ANO3: variants seen among roughly 807,000 people sequenced by gnomAD.
ANO3 encodes the protein anoctamin 3, also known as anoctamin-3.
A neutral mutation model predicts 144.8 loss-of-function variants in ANO3; 99 were observed. The observed-to-expected ratio is 0.68, with a 90% CI of 0.58 to 0.81. The LOEUF is 0.81. Among genes scored for constraint, ANO3 ranks in the 30% least tolerant of loss-of-function variants. The pLI is 0.00. For synonymous variants in ANO3, 414 were observed against 392.6 expected (o/e 1.05, Z -0.64); for missense variants, 905 against 1,202.2 (o/e 0.75, Z 3.66).
intron 4 of ANO3, among the ~76,000 whole-genome samples, chr11:26,490,612 G>T (rs78101475): frequency 6.6e-6 from 1 of 152,136 alleles, no homozygotes; most frequent in Non-Finnish European, 1.5e-5. Flanking sequence ...TAATAAAACA[G>T]TATAACGTCA....
intron 1 of ANO3, among the ~76,000 whole-genome samples, chr11:26,352,595 G>C (rs536618377): frequency 1.3e-5 from 2 of 152,290 alleles, no homozygotes; most frequent in East Asian, 3.9e-4. Context: ...CTTATAGATT[G>C]AAGATCTTTG....
At chr11:26,303,531 C>T (rs1854285805) in intron 1 of ANO3, among the ~76,000 whole-genome samples, 1 of 152,026 alleles carries the variant, frequency 6.6e-6, no homozygotes, top group Non-Finnish European at 1.5e-5. Flanking sequence ...ACAATAGACA[C>T]TGGGGACTAT....
chr11:26,521,631 G>C (rs1157739617), intron 6 of ANO3, among the ~76,000 whole-genome samples: 2 of 152,016 alleles, frequency 1.3e-5, no homozygotes, highest in Admixed American at 6.5e-5. Flanking sequence ...TCTAGTTTTT[G>C]TCATATCAGG....
intron 1 of ANO3, among the ~76,000 whole-genome samples, chr11:26,264,866 AT>A (rs374426692): frequency 0.011 from 1,695 of 149,450 alleles, 18 homozygotes; most frequent in African/African-American, 0.026. Context: ...ATTTTTAAAG[AT>A]TTTTTTTTTC....
At chr11:26,412,158 C>A (rs1012734671) in intron 1 of ANO3, among the ~76,000 whole-genome samples, 5 of 151,922 alleles carry the variant, frequency 3.3e-5, no homozygotes, top group African/African-American at 1.2e-4. Flanking sequence ...TGGAGAAATA[C>A]AAGGCTAGCT....
intron 1 of ANO3, among the ~76,000 whole-genome samples, chr11:26,223,988 G>A (rs932824710): frequency 6.6e-6 from 1 of 152,254 alleles, no homozygotes; most frequent in East Asian, 1.9e-4. Flanking sequence ...AGATTTGGAG[G>A]AGACACACAC....
chr11:26,476,722 T>G (rs750154229), intron 4 of ANO3, among the ~76,000 whole-genome samples: 2 of 151,854 alleles, frequency 1.3e-5, no homozygotes, highest in African/African-American at 2.4e-5. Flanking sequence ...CCAAGACTGG[T>G]TAAAGGTAAG....
chr11:26,407,062 G>GTATATATA lies in ANO3; in HGVS notation c.47-34855_47-34854insATATATAT, dbSNP rs1293215860. Among the ~76,000 whole-genome samples the GTATATATA allele has an allele frequency of 1.2e-3, 80 of 64,110 alleles. 2 individuals carry two copies. The highest frequency in any genetic ancestry group is 2.8e-3 in the Non-Finnish European group (69 of 24,582). 42.1% of individuals were successfully genotyped at this position (64,110 alleles called of 152,430 possible). On this transcript the variant is annotated intron_variant, in intron 1 of 26. Transcript: ENST00000256737. ...TATATATATGGGTGTGTGTGTGTGT[G>GTATATATA]TGTGTGTGTGTGTGTATATATATAT...
intron 9 of ANO3, among the ~76,000 whole-genome samples, chr11:26,535,274 G>A (rs1382677565): frequency 6.6e-6 from 1 of 152,178 alleles, no homozygotes; most frequent in East Asian, 1.9e-4. Flanking sequence ...TTGTTTAAAT[G>A]TTTAGCAGTA....
At chr11:26,292,781 G>A (rs1282046828) in intron 1 of ANO3, among the ~76,000 whole-genome samples, 1 of 152,168 alleles carries the variant, frequency 6.6e-6, no homozygotes, top group African/African-American at 2.4e-5. Flanking sequence ...GTTGCTGCCT[G>A]ATCCTTCCTC....
upstream of ANO3, among the ~76,000 whole-genome samples, chr11:26,328,980 G>C (rs1298704914): frequency 2.6e-5 from 4 of 151,898 alleles, no homozygotes; most frequent in Non-Finnish European, 2.9e-5. Context: ...AGTCAAGACT[G>C]TACTGTGTAT....
In ANO3 at chr11:26,647,825, C is replaced by T; in HGVS notation, c.2545C>T (p.Pro849Ser). 1 of 1,612,562 alleles carries T rather than the reference C, an allele frequency of 6.2e-7. No homozygotes were observed. The highest frequency in any genetic ancestry group is 2.2e-5 in the East Asian group (1 of 44,788). ...TTTTGTTTATGAATACAAATATGGC[C>T]CCTGTGCAAATCATGTAGAACCAAG... ...PRFVYEYKYG[P>S]CANHVEPSEN... Residue 849 changes from proline to serine, a missense_variant, in exon 24 of 27, where the codon CCC becomes TCC. This residue lies in a region of ANO3 where 597 missense variants were observed against 865.1 expected (regional missense o/e 0.69). Coordinates refer to ENST00000256737, the MANE Select transcript of ANO3 (RefSeq NM_031418.4).
intron 13 of ANO3, among the ~76,000 whole-genome samples, chr11:26,557,460 CA>C (rs527754155): frequency 0.14 from 14,843 of 108,552 alleles, 880 homozygotes; most frequent in African/African-American, 0.23. Context: ...GACTCTGTCT[CA>C]AAAAAAAAAA....
At chr11:26,559,872 A>C (rs183288799) in intron 14 of ANO3, 93 bp downstream of exon 14, 302 of 803,346 alleles carry the variant, frequency 3.8e-4, no homozygotes, top group Non-Finnish European at 5.9e-4. Context: ...ACACACACAC[A>C]CACCATGAAT....
At chr11:26,466,548 C>T (rs962700863) in intron 4 of ANO3, among the ~76,000 whole-genome samples, 3 of 151,922 alleles carry the variant, frequency 2.0e-5, no homozygotes, top group Non-Finnish European at 2.9e-5. Context: ...TCTCCCTTTA[C>T]CATGTGAATA....
In ANO3 at chr11:26,211,615, C is replaced by T. The variant is rs558185663; in HGVS notation, c.154+22285C>T. On this transcript the variant is annotated intron_variant, in intron 1 of 27. Coordinates refer to the ANO3 transcript ENST00000672621. Reference sequence around the variant, plus strand: ...GGAATGCTTTTACAATGTTGGTGGGCGTGTAAATTAGTTCAACCATTGTAG... The same window carrying T: ...GGAATGCTTTTACAATGTTGGTGGGTGTGTAAATTAGTTCAACCATTGTAG... Among the ~76,000 whole-genome samples the T allele has an allele frequency of 3.4e-4, 52 of 151,952 alleles. 1 individual carries two copies. The South Asian group carries it at 8.5e-3, about 25-fold the overall frequency.
chr11:26,522,435 A>C (rs910946134), intron 6 of ANO3, among the ~76,000 whole-genome samples: 1 of 152,150 alleles, frequency 6.6e-6, no homozygotes, highest in African/African-American at 2.4e-5. Context: ...GGCTGGAAAC[A>C]GTGGTTGAGA....
At chr11:26,598,061 C>G (rs1203288083) in intron 14 of ANO3, among the ~76,000 whole-genome samples, 1 of 152,056 alleles carries the variant, frequency 6.6e-6, no homozygotes, top group Non-Finnish European at 1.5e-5. Context: ...TAAGCATATG[C>G]AGGTCAAAAT....
At chr11:26,248,946 T>C (rs1326669370) in intron 1 of ANO3, among the ~76,000 whole-genome samples, 1 of 152,216 alleles carries the variant, frequency 6.6e-6, no homozygotes, top group Non-Finnish European at 1.5e-5. Context: ...CTAGGTTGTG[T>C]ACTCCTTGTG....
Sources: gnomAD v4.1 joint callset for allele counts (sites outside exome capture counted in the v4.1 genomes callset) on GRCh38, gnomAD v4.1.1 for gene constraint, gnomAD v4.1.1 regional missense constraint, MANE v1.5 for transcripts, NCBI Gene and HGNC (gene_info 2026-07-23, HGNC 2026-07-21) for gene names.